Variants in BCO1 observed in about 807,000 individuals in gnomAD.
BCO1 encodes beta,beta-carotene 15,15'-dioxygenase.
A neutral mutation model predicts 56.3 loss-of-function variants in BCO1; 54 were observed. That is an observed-to-expected ratio of 0.96 (90% CI 0.77 to 1.20). The LOEUF (loss-of-function observed/expected upper bound fraction) is 1.20, where lower values mean the gene tolerates loss of function less well. BCO1 is among the 50% of genes most tolerant of loss of function. The pLI is 0.00. For missense variants in BCO1, 801 were observed against 690.9 expected, an observed-to-expected ratio of 1.16 and a Z score of -1.79; for synonymous variants, 318 against 266.1, an observed-to-expected ratio of 1.20 and a Z score of -1.90.
At chr16:81,282,162 T>C (rs962687129) in intron 8 of BCO1, among the ~76,000 whole-genome samples, 8 of 152,146 alleles carry the variant, frequency 5.3e-5, no homozygotes, top group African/African-American at 1.9e-4. Flanking sequence ...GCAGATCACT[T>C]GAGGCCAGGA....
chr16:81,239,086 G>A lies in BCO1; in HGVS notation c.64+114G>A, dbSNP rs1190220653. 6.8e-6 allele frequency: 6 copies of A among 876,904 alleles called. No homozygotes were observed. The Admixed American group carries it at 7.4e-5, about 11-fold the overall frequency. The allele number at this position is 876,904 out of a possible 1,614,324, so 54.3% of individuals were successfully genotyped here. On this transcript the variant is annotated intron_variant, in intron 1 of 10. Transcript: ENST00000258168. ...GGCTGGAGTCCAGTGGCTTGATCTC[G>A]GCCCACTGCAACCTCTGCCTCCTGG...
chr16:81,257,446 G>A (rs1311221300), intron 2 of BCO1, among the ~76,000 whole-genome samples: 4 of 151,636 alleles, frequency 2.6e-5, no homozygotes, highest in South Asian at 2.1e-4. Flanking sequence ...TGCATTTTTA[G>A]TAGAGATGGG....
At chr16:81,247,830 C>A (rs916839332) in intron 2 of BCO1, among the ~76,000 whole-genome samples, 4 of 151,876 alleles carry the variant, frequency 2.6e-5, no homozygotes, top group Non-Finnish European at 5.9e-5. Flanking sequence ...CCGGCCCATC[C>A]CATTTCTATT....
At chr16:81,268,782 G>A (rs189273045) in intron 6 of BCO1, among the ~76,000 whole-genome samples, 1 of 151,790 alleles carries the variant, frequency 6.6e-6, no homozygotes, top group Non-Finnish European at 1.5e-5. Context: ...TTTTTATTGT[G>A]GGGGGGTTGT....
chr16:81,256,233 T>C (rs1390200341), intron 2 of BCO1, among the ~76,000 whole-genome samples: 1 of 152,168 alleles, frequency 6.6e-6, no homozygotes, highest in Non-Finnish European at 1.5e-5. Flanking sequence ...TTTAGCATGC[T>C]GGTGCTCAAT....
At chr16:81,271,587 C>G (rs1015887088) in intron 7 of BCO1, among the ~76,000 whole-genome samples, 3 of 152,234 alleles carry the variant, frequency 2.0e-5, no homozygotes, top group Admixed American at 6.5e-5. Flanking sequence ...CATCTGCTCT[C>G]TGTCTCTGCA....
At chr16:81,247,975 C>G (rs1268084626) in intron 2 of BCO1, among the ~76,000 whole-genome samples, 1 of 152,216 alleles carries the variant, frequency 6.6e-6, no homozygotes, top group African/African-American at 2.4e-5. Context: ...CTGTCTGTCT[C>G]AGTCTCTTCT....
At chr16:81,284,258 A>ATATATATTTT (rs1555506658) in intron 8 of BCO1, among the ~76,000 whole-genome samples, 2 of 724 alleles carry the variant, frequency 2.8e-3, no homozygotes, top group African/African-American at 4.6e-3. Flanking sequence ...TTATATATAA[A>ATATATATTTT]TATATATTTA....
intron 2 of BCO1, among the ~76,000 whole-genome samples, chr16:81,256,534 A>G (rs1906146184): frequency 6.6e-6 from 1 of 152,170 alleles, no homozygotes; most frequent in African/African-American, 2.4e-5. Flanking sequence ...ATTAACAGCA[A>G]AATAAAATAA....
chr16:81,264,912 G>A, intron 5 of BCO1, 125 bp downstream of exon 5: 6 of 1,087,390 alleles, frequency 5.5e-6, no homozygotes, highest in Non-Finnish European at 8.3e-6. Context: ...TATTGAGGTG[G>A]ACCATGAAGT....
chr16:81,245,772 T>G (rs1486603181), intron 2 of BCO1, among the ~76,000 whole-genome samples, 169 bp downstream of exon 2: 2 of 151,576 alleles, frequency 1.3e-5, no homozygotes, highest in Non-Finnish European at 2.9e-5. Context: ...TTCTGGAGGC[T>G]CTAGGAAAAA....
intron 2 of BCO1, among the ~76,000 whole-genome samples, chr16:81,258,238 G>A (rs1014747580): frequency 1.3e-5 from 2 of 152,150 alleles, no homozygotes; most frequent in African/African-American, 4.8e-5. Flanking sequence ...ACTAAGTGAG[G>A]GGTAAGTCGT....
intron 7 of BCO1, among the ~76,000 whole-genome samples, chr16:81,271,543 C>G (rs1354319460): frequency 2.0e-5 from 3 of 152,202 alleles, no homozygotes; most frequent in African/African-American, 4.8e-5. Flanking sequence ...GCCATCACCT[C>G]CTAGTCTTCC....
At chr16:81,289,409 A>C (rs886336130) in intron 10 of BCO1, among the ~76,000 whole-genome samples, 1 of 152,166 alleles carries the variant, frequency 6.6e-6, no homozygotes, top group Admixed American at 6.6e-5. Flanking sequence ...TGGGAGGTCA[A>C]GGTAGGCAGA....
Position 81,268,143 on chromosome 16 carries a change from C to T in BCO1, c.843+12C>T, listed in dbSNP as rs1906951615. The T allele has an allele frequency of 6.2e-7, 1 of 1,603,352 alleles. No homozygotes were observed. The highest frequency in any genetic ancestry group is 1.1e-5 in the South Asian group (1 of 91,048). ...ACAGGGAGGAGAAGGTGAGGTCTGG[C>T]TGGACTCTAGCCCAGTGGGTGCTGG... On this transcript the variant is annotated intron_variant, in intron 6 of 10. Coordinates refer to ENST00000258168, the MANE Select transcript of BCO1 (RefSeq NM_017429.3).
rs530410209 is a variant in BCO1, at chr16:81,260,886, G to A, written c.323+1081G>A. 2.6e-5 allele frequency among the ~76,000 whole-genome samples: 4 copies of A among 152,300 alleles called. No individual in the cohort carries two copies. In the South Asian group the frequency reaches 8.3e-4, roughly 32 times the overall value. On this transcript the variant is annotated intron_variant, in intron 3 of 10. Coordinates refer to ENST00000258168, the MANE Select transcript of BCO1 (RefSeq NM_017429.3). ...ATCTGACAGTTAAATTCTTGGCCAGGGAATCAGGCCTGCCATCAGTATCTT... is the reference window on the plus strand; with the variant it reads ...ATCTGACAGTTAAATTCTTGGCCAGAGAATCAGGCCTGCCATCAGTATCTT...
chr16:81,243,908 C>T (rs1478000097), intron 1 of BCO1, among the ~76,000 whole-genome samples: 3 of 152,198 alleles, frequency 2.0e-5, no homozygotes, highest in Non-Finnish European at 4.4e-5. Context: ...GGGGCATTGT[C>T]GAGCCATTGG....
intron 7 of BCO1, among the ~76,000 whole-genome samples, chr16:81,277,875 G>T (rs1907650355): frequency 6.6e-6 from 1 of 152,140 alleles, no homozygotes; most frequent in African/African-American, 2.4e-5. Context: ...AGTCCGACCA[G>T]TTTGGGGCTG....
At position 81,259,721 on chromosome 16, in the gene BCO1, A is replaced by C. The variant is rs1184407934; in HGVS notation, c.239A>C (p.Asn80Thr). ...AAATACCTGAGAAGCGATACCTACA[A>C]CACCAATATTGAGGCAAACAGGATT... ...RSKYLRSDTY[N>T]TNIEANRIVV... The change falls in exon 3 of 11, where the codon AAC (asparagine) becomes ACC (threonine). Residue 80 changes from asparagine (N) to threonine (T), a missense_variant. Asn to Thr is a moderately conservative substitution (Grantham distance 65). Coordinates refer to ENST00000258168, the MANE Select transcript of BCO1 (RefSeq NM_017429.3). The C allele has an allele frequency of 2.5e-6, 4 of 1,614,218 alleles. No individual in the cohort carries two copies. Among genetic ancestry groups the C allele is most frequent in the Admixed American group, 3.3e-5 (2 of 60,024 alleles).
Sources: gnomAD v4.1 joint callset for allele counts (sites outside exome capture counted in the v4.1 genomes callset) on GRCh38, gnomAD v4.1.1 for gene constraint, MANE v1.5 for transcripts, NCBI Gene and HGNC (gene_info 2026-07-23, HGNC 2026-07-21) for gene names.